The following TENM2 variants were observed in gnomAD, a reference collection of about 807,000 sequenced individuals.
TENM2 encodes teneurin transmembrane protein 2.
Under a neutral mutation model 245.2 loss-of-function variants are expected in TENM2, and 52 were observed. The ratio of observed to expected loss-of-function variants is 0.21; its 90% CI spans 0.17 to 0.27. The LOEUF is 0.27. Among genes scored for constraint, TENM2 ranks in the 10% least tolerant of loss-of-function variants. The pLI, the probability that TENM2 is intolerant of heterozygous loss-of-function variation, is 1.00. For synonymous variants in TENM2, 1,363 were observed against 1,438.9 expected (o/e 0.95, Z 1.19); for missense variants, 3,046 against 3,666.8 (o/e 0.83, Z 4.37).
intron 9 of TENM2, among the ~76,000 whole-genome samples, chr5:168,113,200 G>A (rs1794819801): frequency 6.6e-6 from 1 of 152,012 alleles, no homozygotes; most frequent in South Asian, 2.1e-4. Flanking sequence ...CACACCTGTG[G>A]TCCCAGATGC....
intron 12 of TENM2, among the ~76,000 whole-genome samples, chr5:168,158,777 T>C (rs1376801510): frequency 2.2e-5 from 3 of 139,398 alleles, no homozygotes; most frequent in Non-Finnish European, 4.6e-5. Context: ...CTGGCCAACA[T>C]GGTGAAACTC....
chr5:167,741,799 T>C (rs1761193595), intron 2 of TENM2, among the ~76,000 whole-genome samples: 2 of 152,186 alleles, frequency 1.3e-5, no homozygotes, highest in South Asian at 4.1e-4. Context: ...TCATTCCCAA[T>C]GTATCTAAAA....
intron 2 of TENM2, among the ~76,000 whole-genome samples, chr5:167,669,561 T>C (rs568680304): frequency 6.6e-6 from 1 of 152,178 alleles, no homozygotes; most frequent in South Asian, 2.1e-4. Flanking sequence ...ACAAATATTA[T>C]ATATTGTGCT....
At position 167,482,782 on chromosome 5, in the gene TENM2, G is replaced by C. The variant is rs570843597; in HGVS notation, c.502+107309G>C. On this transcript the variant is annotated intron_variant, in intron 2 of 28. Transcript: ENST00000518659. ...AAACACCAGTAGAACCTCTCTCATA[G>C]GGCAACAGTTATATTAAGTGAGGTA... Among the ~76,000 whole-genome samples the C allele has an allele frequency of 2.6e-5, 4 of 152,230 alleles. No individual in the cohort carries two copies. In the South Asian group the frequency reaches 8.3e-4, roughly 32 times the overall value.
At chr5:167,478,982 T>TTA (rs200778789) in intron 2 of TENM2, among the ~76,000 whole-genome samples, 12 of 21,904 alleles carry the variant, frequency 5.5e-4, no homozygotes, top group South Asian at 3.6e-3. Flanking sequence ...TATGACTACT[T>TTA]TATATATATG....
At chr5:167,034,870 C>T in the TENM2 span, among the ~76,000 whole-genome samples, 1 of 152,030 alleles carries the variant, frequency 6.6e-6, no homozygotes, top group African/African-American at 2.4e-5. Flanking sequence ...AGATGCCGGG[C>T]ATTTGTGTTG....
chr5:168,012,547 C>G (rs2152077732), intron 5 of TENM2, among the ~76,000 whole-genome samples: 1 of 151,038 alleles, frequency 6.6e-6, no homozygotes, highest in Non-Finnish European at 1.5e-5. Flanking sequence ...ACTTCAGAGG[C>G]TGAGGTGGGA....
exon 2 of TENM2, chr5:167,375,455 A>G: frequency 6.4e-7 from 1 of 1,551,750 alleles, no homozygotes; most frequent in Non-Finnish European, 8.7e-7. Flanking sequence ...CAACGAAAAC[A>G]AATCAGATGA....
At chr5:167,728,225 A>AG (rs1760162930) in intron 2 of TENM2, among the ~76,000 whole-genome samples, 1 of 152,104 alleles carries the variant, frequency 6.6e-6, no homozygotes, top group Non-Finnish European at 1.5e-5. Context: ...GATGAACTCA[A>AG]GCTACCTCTC....
chr5:167,167,292 A>G, the TENM2 span, among the ~76,000 whole-genome samples: 3 of 152,136 alleles, frequency 2.0e-5, no homozygotes, highest in Non-Finnish European at 4.4e-5. Context: ...ATAACTCTAC[A>G]ATGTATGTGA....
At chr5:167,603,739 A>G (rs1259251697) in intron 2 of TENM2, among the ~76,000 whole-genome samples, 1 of 152,212 alleles carries the variant, frequency 6.6e-6, no homozygotes, top group Non-Finnish European at 1.5e-5. Context: ...GAGGAATAGC[A>G]GTAGAGTTGA....
intron 13 of TENM2, 27 bp downstream of exon 15, chr5:168,162,784 C>T: frequency 6.2e-7 from 1 of 1,610,614 alleles, no homozygotes; most frequent in Non-Finnish European, 8.5e-7. Flanking sequence ...TCATTCCCAG[C>T]CCCTAAGAGC....
chr5:167,147,255 C>T, the TENM2 span, among the ~76,000 whole-genome samples: 1 of 152,176 alleles, frequency 6.6e-6, no homozygotes, highest in Non-Finnish European at 1.5e-5. Context: ...TGAGCCTGCT[C>T]ATTAAGAAAT....
chr5:167,982,089 C>A (rs1006573664), intron 4 of TENM2, among the ~76,000 whole-genome samples: 21 of 152,234 alleles, frequency 1.4e-4, no homozygotes, highest in Admixed American at 1.2e-3. Flanking sequence ...ACACACTGCC[C>A]TTCTTTCACA....
Position 167,500,875 on chromosome 5 carries a change from G to A in TENM2, c.502+125402G>A, listed in dbSNP as rs553447051. ...TGTTTGGAGAGGGAAGAACAATACCGGTGGCCCCCAGTACTAAATGTCCTC... is the reference window on the plus strand; with the variant it reads ...TGTTTGGAGAGGGAAGAACAATACCAGTGGCCCCCAGTACTAAATGTCCTC... On this transcript the variant is annotated intron_variant, in intron 2 of 28. Coordinates refer to ENST00000518659, the Ensembl canonical transcript of TENM2. Among the ~76,000 whole-genome samples the A allele has an allele frequency of 1.2e-4, 18 of 152,186 alleles. No homozygotes were observed. The South Asian group carries it at 3.5e-3, about 30-fold the overall frequency.
intron 12 of TENM2, among the ~76,000 whole-genome samples, chr5:168,156,707 G>A (rs1245642338): frequency 6.6e-6 from 1 of 151,802 alleles, no homozygotes; most frequent in East Asian, 1.9e-4. Context: ...GTAACTGTGT[G>A]GACAGACTTT....
chr5:167,183,404 AG>A, the TENM2 span, among the ~76,000 whole-genome samples: 1 of 152,212 alleles, frequency 6.6e-6, no homozygotes, highest in African/African-American at 2.4e-5. Context: ...TTTACATACC[AG>A]GAACAAATAA....
At chr5:167,138,667 G>C in the TENM2 span, among the ~76,000 whole-genome samples, 1 of 152,094 alleles carries the variant, frequency 6.6e-6, no homozygotes, top group Non-Finnish European at 1.5e-5. Context: ...TTGTCGCCCA[G>C]GCCACAGTGC....
chr5:167,999,798 T>C (rs936719046), intron 5 of TENM2, among the ~76,000 whole-genome samples: 8 of 152,180 alleles, frequency 5.3e-5, no homozygotes, highest in African/African-American at 1.9e-4. Flanking sequence ...GGGCAGACGC[T>C]GGTGATGAGA....
Sources: allele counts gnomAD v4.1 joint callset (sites outside exome capture counted in the v4.1 genomes callset), GRCh38; gene constraint gnomAD v4.1.1; transcripts MANE v1.5; gene names NCBI Gene and HGNC (gene_info 2026-07-23, HGNC 2026-07-21).